The following PIK3C2G variants were observed in gnomAD, a reference collection of about 807,000 sequenced individuals.
PIK3C2G encodes phosphatidylinositol-4-phosphate 3-kinase catalytic subunit type 2 gamma.
In PIK3C2G, 168 loss-of-function variants were observed where a neutral mutation model predicts 181.1. That is an observed-to-expected ratio of 0.93 (90% CI 0.82 to 1.05). The LOEUF (loss-of-function observed/expected upper bound fraction) is 1.05, where lower values mean the gene tolerates loss of function less well. Ranked by LOEUF, PIK3C2G falls within the 50% of genes least tolerant of loss-of-function variation. The pLI is 0.00. For missense variants in PIK3C2G, 1,869 were observed against 1,732.8 expected, an observed-to-expected ratio of 1.08 and a Z score of -1.40; for synonymous variants, 573 against 592.2, an observed-to-expected ratio of 0.97 and a Z score of 0.47.
intron 1 of PIK3C2G, among the ~76,000 whole-genome samples, chr12:18,249,802 C>T (rs966664567): frequency 6.6e-6 from 1 of 151,882 alleles, no homozygotes; most frequent in African/African-American, 2.4e-5. Context: ...AAAGTGAAAA[C>T]TCAGAAATAT....
chr12:18,334,275 G>A (rs1938289445), intron 8 of PIK3C2G, among the ~76,000 whole-genome samples: 1 of 151,890 alleles, frequency 6.6e-6, no homozygotes, highest in Non-Finnish European at 1.5e-5. Context: ...CGCAGTTTTT[G>A]GACAAATAAT....
intron 32 of PIK3C2G, 123 bp from the exon 33 acceptor site, chr12:18,647,753 T>G: frequency 2.2e-6 from 1 of 444,572 alleles, no homozygotes; most frequent in Middle Eastern, 5.2e-4. Context: ...AGTCTGACAT[T>G]AACCTATCTA....
chr12:18,363,901 T>C (rs1941451954), intron 12 of PIK3C2G, among the ~76,000 whole-genome samples: 1 of 152,200 alleles, frequency 6.6e-6, no homozygotes, highest in African/African-American at 2.4e-5. Context: ...TATAGGACCA[T>C]GACAATCTCT....
At chr12:18,345,330 T>C (rs549588424) in intron 10 of PIK3C2G, among the ~76,000 whole-genome samples, 12 of 152,324 alleles carry the variant, frequency 7.9e-5, no homozygotes, top group Admixed American at 7.2e-4. Context: ...GAATTTTAAT[T>C]ACAGGTTTTC....
chr12:18,513,370 G>T (rs568365491), intron 24 of PIK3C2G, among the ~76,000 whole-genome samples: 1 of 112,798 alleles, frequency 8.9e-6, no homozygotes, highest in South Asian at 3.3e-4. Flanking sequence ...GAAAAGAATT[G>T]GTATTCTTTT....
At chr12:18,662,979 T>C in the PIK3C2G span, among the ~76,000 whole-genome samples, 60,441 of 151,786 alleles carry the variant, frequency 0.4, 14,174 homozygotes, top group South Asian at 0.59. Flanking sequence ...AGAAACCAAA[T>C]AGAAAACTGA....
intron 29 of PIK3C2G, among the ~76,000 whole-genome samples, chr12:18,581,108 ACT>A (rs1483513240): frequency 6.6e-6 from 1 of 152,160 alleles, no homozygotes; most frequent in Non-Finnish European, 1.5e-5. Context: ...GAATTGATCA[ACT>A]CTCTGAAAAA....
At chr12:18,452,683 A>G (rs1947428677) in intron 18 of PIK3C2G, among the ~76,000 whole-genome samples, 1 of 151,936 alleles carries the variant, frequency 6.6e-6, no homozygotes, top group Non-Finnish European at 1.5e-5. Flanking sequence ...GATCTTTCCC[A>G]CTTTCTGATG....
rs1010588121 is a variant in PIK3C2G at position 18,538,069 on chromosome 12, A to G, written c.3324-87A>G. ...GTAGAGAAAAAAAAAAGAAAATTCA[A>G]ATGAAAATAAGTCGTTATAACTGCT... On this transcript the variant is annotated intron_variant, in intron 24 of 32. Coordinates refer to ENST00000538779, the MANE Select transcript of PIK3C2G (RefSeq NM_001288772.2). The G allele has an allele frequency of 6.1e-6, 8 of 1,303,460 alleles. No homozygotes were observed. The African/African-American group carries it at 1.2e-4, about 20-fold the overall frequency. 80.7% of individuals were successfully genotyped at this position (1,303,460 alleles called of 1,614,324 possible). A position where few individuals can be genotyped will look rare whatever the true frequency, so the allele number is the denominator to read the frequency against.
chr12:18,415,172 G>A (rs188737040), intron 16 of PIK3C2G, among the ~76,000 whole-genome samples: 2 of 152,312 alleles, frequency 1.3e-5, no homozygotes, highest in East Asian at 3.9e-4. Context: ...CACAGATAGT[G>A]TGTTTTTACA....
intron 11 of PIK3C2G, among the ~76,000 whole-genome samples, chr12:18,353,922 TGTAA>T (rs1940467236): frequency 6.6e-6 from 1 of 152,216 alleles, no homozygotes; most frequent in Non-Finnish European, 1.5e-5. Context: ...TATGCACACC[TGTAA>T]GTGTCTCTTC....
chr12:18,273,295 T>G (rs1176446381), intron 1 of PIK3C2G, among the ~76,000 whole-genome samples: 1 of 152,182 alleles, frequency 6.6e-6, no homozygotes, highest in Non-Finnish European at 1.5e-5. Flanking sequence ...ATATACGGCA[T>G]TATTTCTGAG....
chr12:18,521,916 C>T (rs1942944929), intron 24 of PIK3C2G, among the ~76,000 whole-genome samples: 1 of 152,210 alleles, frequency 6.6e-6, no homozygotes, highest in African/African-American at 2.4e-5. Flanking sequence ...ATGGGTTGCA[C>T]AGTTCCATGG....
At chr12:18,524,756 T>G (rs1250062482) in intron 24 of PIK3C2G, among the ~76,000 whole-genome samples, 1 of 151,782 alleles carries the variant, frequency 6.6e-6, no homozygotes, top group Non-Finnish European at 1.5e-5. Flanking sequence ...TTAGTAGAGA[T>G]AGGATTTTGC....
chr12:18,366,667 C>G (rs1300396794), intron 12 of PIK3C2G, among the ~76,000 whole-genome samples: 1 of 151,698 alleles, frequency 6.6e-6, no homozygotes, highest in African/African-American at 2.4e-5. Context: ...AGTGATTATT[C>G]ATTCTTAAAT....
the PIK3C2G span, among the ~76,000 whole-genome samples, chr12:18,710,725 A>G: frequency 2.1e-4 from 32 of 152,320 alleles, no homozygotes; most frequent in East Asian, 6.2e-3. Context: ...GATACATTTT[A>G]AAAGTAAAGC....
chr12:18,511,792 C>A (rs1592453007), intron 24 of PIK3C2G, among the ~76,000 whole-genome samples: 2 of 152,006 alleles, frequency 1.3e-5, no homozygotes, highest in South Asian at 4.2e-4. Flanking sequence ...CTAATTGTTT[C>A]CTTTACTGAG....
intron 18 of PIK3C2G, among the ~76,000 whole-genome samples, chr12:18,449,871 T>A (rs182326758): frequency 6.6e-6 from 1 of 152,272 alleles, no homozygotes; most frequent in East Asian, 1.9e-4. Context: ...CTGTCTTCCA[T>A]AATGGTTGAA....
the PIK3C2G span, among the ~76,000 whole-genome samples, chr12:18,689,550 C>T: frequency 6.6e-6 from 1 of 152,118 alleles, no homozygotes; most frequent in Non-Finnish European, 1.5e-5. Flanking sequence ...AAATATTGGA[C>T]ACCCCTGGTT....
Sources: allele counts gnomAD v4.1 joint callset (sites outside exome capture counted in the v4.1 genomes callset), GRCh38; gene constraint gnomAD v4.1.1; transcripts MANE v1.5; gene names NCBI Gene and HGNC (gene_info 2026-07-23, HGNC 2026-07-21).